The following NEBL variants were observed in gnomAD, a reference collection of about 807,000 sequenced individuals.
NEBL encodes the protein nebulette.
A neutral mutation model predicts 140.2 loss-of-function variants in NEBL; 122 were observed. The observed-to-expected ratio is 0.87, with a 90% CI of 0.75 to 1.01. The LOEUF is 1.01. NEBL is among the 50% of genes least tolerant of loss of function. NEBL has a pLI of 0.00. For missense variants in NEBL, 1,365 were observed against 1,231.3 expected (o/e 1.11, Z -1.62); for synonymous variants, 436 against 398.9 (o/e 1.09, Z -1.11).
chr10:20,995,891 C>T (rs1046099547), intron 3 of NEBL, among the ~76,000 whole-genome samples: 5 of 146,438 alleles, frequency 3.4e-5, no homozygotes, highest in Admixed American at 6.7e-5. Context: ...ACCAACTTAC[C>T]CTTTGTGGGA....
At chr10:21,105,383 G>A (rs184532603) in intron 2 of NEBL, among the ~76,000 whole-genome samples, 2 of 151,904 alleles carry the variant, frequency 1.3e-5, no homozygotes, top group African/African-American at 4.8e-5. Context: ...TTCCCACCCT[G>A]GGTCCATGTG....
In NEBL at chr10:20,785,013, A is replaced by G. The variant is rs1835290639; in HGVS notation, c.*734T>C. 1 of 152,784 alleles carries G rather than the reference A, an allele frequency of 6.5e-6. No homozygotes were observed. Among genetic ancestry groups the G allele is most frequent in the Non-Finnish European group, 1.5e-5 (1 of 68,178 alleles). 9.5% of individuals were successfully genotyped at this position (152,784 alleles called of 1,614,324 possible). Reference sequence around the variant, plus strand: ...TAAATGCTACTAGGGAAATTATATCAATGACATTATAATTTGCCCTTTGCA... The same window carrying G: ...TAAATGCTACTAGGGAAATTATATCGATGACATTATAATTTGCCCTTTGCA... On this transcript the variant is annotated 3_prime_UTR_variant, in exon 28 of 28. Coordinates refer to ENST00000377122, the MANE Select transcript of NEBL (RefSeq NM_006393.3).
intron 2 of NEBL, among the ~76,000 whole-genome samples, chr10:21,023,355 G>A (rs908000773): frequency 6.6e-6 from 1 of 152,094 alleles, no homozygotes; most frequent in Non-Finnish European, 1.5e-5. Flanking sequence ...ACTCAGTTTG[G>A]GGGCATGCTT....
rs138438052 is a variant in NEBL at position 20,784,323 on chromosome 10, G to A, written c.*1424C>T. ...CTTGGTGACCTGGACTGCAGACTCT[G>A]GATGAAATTTCAAGACCCACCAGCA... On this transcript the variant is annotated 3_prime_UTR_variant, in exon 28 of 28. Coordinates refer to ENST00000377122, the MANE Select transcript of NEBL (RefSeq NM_006393.3). 1.3e-5 allele frequency: 2 copies of A among 150,052 alleles called. No homozygotes were observed. The highest frequency in any genetic ancestry group is 2.9e-5 in the Non-Finnish European group (2 of 67,848). 9.3% of individuals were successfully genotyped at this position (150,052 alleles called of 1,614,324 possible). A position where few individuals can be genotyped will look rare whatever the true frequency, so the allele number is the denominator to read the frequency against.
At chr10:20,822,029 G>A (rs1268921321) in intron 19 of NEBL, among the ~76,000 whole-genome samples, 2 of 152,066 alleles carry the variant, frequency 1.3e-5, no homozygotes, top group Admixed American at 6.5e-5. Flanking sequence ...GTCCTTCTGC[G>A]TTTGCACAGC....
chr10:21,077,231 T>TA (rs955992561), intron 2 of NEBL, among the ~76,000 whole-genome samples: 1 of 151,312 alleles, frequency 6.6e-6, no homozygotes, highest in African/African-American at 2.4e-5. Flanking sequence ...TCAAAAAAAA[T>TA]AAAAAATCAA....
chr10:21,168,825 G>A (rs967727836), intron 2 of NEBL, among the ~76,000 whole-genome samples: 5 of 151,168 alleles, frequency 3.3e-5, no homozygotes, highest in Non-Finnish European at 5.9e-5. Flanking sequence ...GAGGCGGGTG[G>A]ATCACAAGGT....
intron 14 of NEBL, among the ~76,000 whole-genome samples, chr10:20,832,312 T>A (rs1840491485): frequency 1.3e-5 from 2 of 152,228 alleles, no homozygotes; most frequent in South Asian, 4.1e-4. Flanking sequence ...CAAACAAGAA[T>A]GTCTACCTAA....
intron 2 of NEBL, among the ~76,000 whole-genome samples, chr10:21,049,546 T>C (rs1461698136): frequency 6.6e-6 from 1 of 152,220 alleles, no homozygotes; most frequent in Non-Finnish European, 1.5e-5. Flanking sequence ...CTTCTACTAT[T>C]GTTCTCCCAC....
rs57289458 is a variant in NEBL at position 20,896,483 on chromosome 10, C to CATATATATATATAT, written c.153+461_153+474dup. Among the ~76,000 whole-genome samples the CATATATATATATAT allele has an allele frequency of 8.9e-3, 781 of 87,866 alleles. 73 individuals carry two copies. Among genetic ancestry groups the CATATATATATATAT allele is most frequent in the Middle Eastern group, 0.013 (2 of 160 alleles). The allele number at this position is 87,866 out of a possible 152,430, so 57.6% of individuals were successfully genotyped here. On this transcript the variant is annotated intron_variant, in intron 2 of 27. Transcript: ENST00000377122. ...CTGAATTGTAAATAAATATTATATG[C>CATATATATATATAT]ATATATATATATATATATATATATA...
chr10:21,073,617 C>CAA (rs10594967), intron 2 of NEBL, among the ~76,000 whole-genome samples: 8 of 76,360 alleles, frequency 1.0e-4, no homozygotes, highest in Non-Finnish European at 1.5e-4. Context: ...ACTCTGTCGT[C>CAA]AAAAAAAAAA....
intron 26 of NEBL, among the ~76,000 whole-genome samples, chr10:20,793,713 C>A (rs1836231100): frequency 2.0e-5 from 3 of 152,124 alleles, no homozygotes; most frequent in Middle Eastern, 6.8e-3. Context: ...GCTACCACAC[C>A]CAGCTCATTT....
intron 2 of NEBL, among the ~76,000 whole-genome samples, chr10:21,149,271 G>A (rs575797610): frequency 3.9e-5 from 6 of 151,968 alleles, no homozygotes; most frequent in African/African-American, 7.3e-5. Flanking sequence ...CCTCGTCGTC[G>A]GTATCCTTTG....
rs768079285 is a variant in NEBL at position 20,840,823 on chromosome 10, AT to A, written c.1253del (p.Asn418MetfsTer3). The A allele has an allele frequency of 5.6e-6, 9 of 1,599,198 alleles. No homozygotes were observed. Among genetic ancestry groups the A allele is most frequent in the Non-Finnish European group, 6.0e-6 (7 of 1,168,018 alleles). On this transcript the variant is annotated frameshift_variant, in exon 13 of 28. Coordinates refer to ENST00000377122, the MANE Select transcript of NEBL (RefSeq NM_006393.3). LOFTEE classifies it high-confidence loss of function. ...REKEYKKDLE[N>X]EIKGKGMELN... is the part of the protein sequence containing the mutation. Reference sequence around the variant, plus strand: ...GTTCCATTCCTTTCCCTTTTATCTCATTTTCCAAATCTTTTTTATATTCTTT... The same window carrying A: ...GTTCCATTCCTTTCCCTTTTATCTCATTTCCAAATCTTTTTTATATTCTTT...
chr10:21,245,457 C>T (rs772794654), intron 3 of NEBL, among the ~76,000 whole-genome samples: 4 of 152,136 alleles, frequency 2.6e-5, no homozygotes, highest in African/African-American at 9.7e-5. Context: ...AAGTCTGCCC[C>T]GGTAGGGAAG....
At chr10:20,788,293 A>G (rs1258869735) in intron 26 of NEBL, among the ~76,000 whole-genome samples, 1 of 152,188 alleles carries the variant, frequency 6.6e-6, no homozygotes, top group Non-Finnish European at 1.5e-5. Context: ...TTATAGTCAT[A>G]TGTGCTATAA....
At chr10:20,791,552 T>C (rs1457633478) in intron 26 of NEBL, among the ~76,000 whole-genome samples, 2 of 151,878 alleles carry the variant, frequency 1.3e-5, no homozygotes, top group Admixed American at 6.6e-5. Context: ...TACGCCACCA[T>C]GCCCAGCTGA....
chr10:21,122,172 C>T (rs1024773137), intron 2 of NEBL, among the ~76,000 whole-genome samples: 1 of 152,084 alleles, frequency 6.6e-6, no homozygotes, highest in Non-Finnish European at 1.5e-5. Flanking sequence ...ATTACAGGCA[C>T]CTACCACCAT....
At chr10:20,894,792 A>G (rs913846650) in intron 2 of NEBL, among the ~76,000 whole-genome samples, 2 of 150,280 alleles carry the variant, frequency 1.3e-5, no homozygotes, top group Middle Eastern at 3.5e-3. Context: ...AGCCGGGCTT[A>G]GTGGCAGGCG....
Sources: allele counts gnomAD v4.1 joint callset (sites outside exome capture counted in the v4.1 genomes callset), GRCh38; gene constraint gnomAD v4.1.1; transcripts MANE v1.5; gene names NCBI Gene and HGNC (gene_info 2026-07-23, HGNC 2026-07-21).